PSMD1: variants seen among roughly 807,000 people sequenced by gnomAD.
The protein encoded by PSMD1 is proteasome 26S subunit, non-ATPase 1, also known as 26S proteasome non-ATPase regulatory subunit 1.
PSMD1 carries 18 observed loss-of-function variants against 119.0 expected under a neutral mutation model. The ratio of observed to expected loss-of-function variants is 0.15; its 90% CI spans 0.10 to 0.22. The LOEUF (loss-of-function observed/expected upper bound fraction) is 0.22. PSMD1 is among the 10% of genes least tolerant of loss of function. The pLI, the probability that PSMD1 is intolerant of heterozygous loss-of-function variation, is 1.00. For synonymous variants in PSMD1, 374 were observed against 396.6 expected, an observed-to-expected ratio of 0.94 and a Z score of 0.68; for missense variants, 702 against 1,158.5, an observed-to-expected ratio of 0.61 and a Z score of 5.72.
intron 18 of PSMD1, among the ~76,000 whole-genome samples, chr2:231,147,106 A>G (rs1696268872): frequency 6.6e-6 from 1 of 152,196 alleles, no homozygotes; most frequent in South Asian, 2.1e-4. Context: ...CTCACAACCC[A>G]GCTTGCCCCA....
intron 23 of PSMD1, among the ~76,000 whole-genome samples, chr2:231,168,753 G>A (rs1018912210): frequency 3.9e-5 from 6 of 152,206 alleles, no homozygotes; most frequent in Non-Finnish European, 4.4e-5. Context: ...GTTTGTGAAT[G>A]TACTAAATTG....
chr2:231,157,177 A>G (rs1419752475), intron 19 of PSMD1, among the ~76,000 whole-genome samples: 1 of 152,008 alleles, frequency 6.6e-6, no homozygotes, highest in Non-Finnish European at 1.5e-5. Flanking sequence ...GGTTTTTACT[A>G]TATTTGGGTT....
chr2:231,076,896 TAAAG>T (rs1694181439), intron 8 of PSMD1, 134 bp from the exon 9 acceptor site: 9 of 662,990 alleles, frequency 1.4e-5, no homozygotes, highest in Non-Finnish European at 2.1e-5. Flanking sequence ...TAGCATCTAA[TAAAG>T]AAAGAAATAA....
At chr2:231,163,838 T>C in intron 21 of PSMD1, 111 bp downstream of exon 21, 2 of 768,870 alleles carry the variant, frequency 2.6e-6, no homozygotes, top group Non-Finnish European at 2.0e-6. Context: ...CTTCTTATGC[T>C]AACATTTGAC....
chr2:231,161,288 A>C, intron 19 of PSMD1, 52 bp from the exon 20 acceptor site: 1 of 1,427,426 alleles, frequency 7.0e-7, no homozygotes, highest in Non-Finnish European at 9.5e-7. Flanking sequence ...TTGTCCTACT[A>C]TAATAATAGG....
At chr2:231,134,478 A>G (rs1212955751) in intron 16 of PSMD1, among the ~76,000 whole-genome samples, 1 of 152,234 alleles carries the variant, frequency 6.6e-6, no homozygotes, top group Non-Finnish European at 1.5e-5. Context: ...ATAATCACTC[A>G]ATAAATATGA....
Position 231,056,993 on chromosome 2 carries a change from G to A in PSMD1, c.-33G>A. On this transcript the variant is annotated 5_prime_UTR_variant, in exon 1 of 25. Transcript: ENST00000308696. Reference sequence around the variant, plus strand: ...AGATACACTGCGCAGCTGGAACGGCGAGCGAGCCGACGGGCGAGTGAGGGG... The same window carrying A: ...AGATACACTGCGCAGCTGGAACGGCAAGCGAGCCGACGGGCGAGTGAGGGG... 6.5e-7 allele frequency: 1 copy of A among 1,540,060 alleles called. No individual in the cohort carries two copies. The highest frequency in any genetic ancestry group is 8.7e-7 in the Non-Finnish European group (1 of 1,144,484).
intron 8 of PSMD1, among the ~76,000 whole-genome samples, chr2:231,076,350 A>G (rs942267288): frequency 3.3e-5 from 5 of 152,086 alleles, no homozygotes; most frequent in African/African-American, 1.2e-4. Context: ...CTGGTTGGAA[A>G]GTTGTGTTGG....
At chr2:231,082,562 A>T (rs1433304660) in intron 12 of PSMD1, among the ~76,000 whole-genome samples, 1 of 152,060 alleles carries the variant, frequency 6.6e-6, no homozygotes, top group Non-Finnish European at 1.5e-5. Flanking sequence ...AAAATTAGGC[A>T]GGCGTGGTGG....
Position 231,056,938 on chromosome 2 carries a change from C to A in PSMD1, c.-88C>A. On this transcript the variant is annotated 5_prime_UTR_variant, in exon 1 of 25. Coordinates refer to ENST00000308696, the MANE Select transcript of PSMD1 (RefSeq NM_002807.4). Reference sequence around the variant, plus strand: ...GCAGCGCACCCGGGGAGCAAGGAGGCGCGGTGAACTGAGCGGCCCCTGAGC... The same window carrying A: ...GCAGCGCACCCGGGGAGCAAGGAGGAGCGGTGAACTGAGCGGCCCCTGAGC... 2 of 1,507,094 alleles carry A rather than the reference C, an allele frequency of 1.3e-6. No homozygotes were observed. The highest frequency in any genetic ancestry group is 1.8e-6 in the Non-Finnish European group (2 of 1,119,192). The allele number at this position is 1,507,094 out of a possible 1,614,324, so 93.4% of individuals were successfully genotyped here. A position where few individuals can be genotyped will look rare whatever the true frequency, so the allele number is the denominator to read the frequency against.
At chr2:231,119,828 C>T (rs1363176294) in intron 16 of PSMD1, among the ~76,000 whole-genome samples, 5 of 141,450 alleles carry the variant, frequency 3.5e-5, no homozygotes. Context: ...TGAGATCATG[C>T]CACTGCCCTG....
At chr2:231,084,238 G>C (rs1392107515) in intron 14 of PSMD1, among the ~76,000 whole-genome samples, 2 of 152,074 alleles carry the variant, frequency 1.3e-5, no homozygotes, top group African/African-American at 4.8e-5. Flanking sequence ...TGTAATCCCA[G>C]CTACTTGGGA....
chr2:231,144,984 T>C (rs1321426744), intron 17 of PSMD1, among the ~76,000 whole-genome samples: 1 of 152,214 alleles, frequency 6.6e-6, no homozygotes, highest in Non-Finnish European at 1.5e-5. Context: ...ACCTCTTACC[T>C]CAAGACGAGA....
chr2:231,148,769 A>C (rs181526414), intron 18 of PSMD1, among the ~76,000 whole-genome samples: 3 of 152,360 alleles, frequency 2.0e-5, no homozygotes, highest in African/African-American at 7.2e-5. Context: ...AGTGATAAAG[A>C]ATTTCATAGA....
At position 231,084,399 on chromosome 2, in the gene PSMD1, T is replaced by C. The variant is rs1044850942; in HGVS notation, c.1723-620T>C. On this transcript the variant is annotated intron_variant, in intron 14 of 24. Coordinates refer to ENST00000308696, the MANE Select transcript of PSMD1 (RefSeq NM_002807.4). ...TTGGAATGATTTGATAGTCATTTAATAAGATACAAAGTTTACTTCATTATT... is the reference window on the plus strand; with the variant it reads ...TTGGAATGATTTGATAGTCATTTAACAAGATACAAAGTTTACTTCATTATT... Among the ~76,000 whole-genome samples, 6 of 152,056 alleles carry C rather than the reference T, an allele frequency of 3.9e-5. No homozygotes were observed. The East Asian group carries it at 5.8e-4, about 15-fold the overall frequency.
rs200761257 is a variant in PSMD1, at chr2:231,108,844, T to C, written c.1883+21663T>C. ...GGGTGTAGACCAAAGGATTCACTCC[T>C]GAGGAAACATAGCCTATCCACACAA... On this transcript the variant is annotated intron_variant, in intron 16 of 24. Coordinates refer to ENST00000308696, the MANE Select transcript of PSMD1 (RefSeq NM_002807.4). 2.1e-5 allele frequency: 34 copies of C among 1,614,148 alleles called. No individual in the cohort carries two copies. In the Middle Eastern group the frequency reaches 6.6e-4, roughly 31 times the overall value.
chr2:231,065,457 TAA>T (rs1262552026), intron 4 of PSMD1, among the ~76,000 whole-genome samples: 5 of 114,514 alleles, frequency 4.4e-5, no homozygotes, highest in Non-Finnish European at 6.5e-5. Context: ...CACACCCGGC[TAA>T]TTTTTTTTTT....
intron 19 of PSMD1, among the ~76,000 whole-genome samples, chr2:231,159,357 T>C (rs1696581449): frequency 6.6e-6 from 1 of 152,204 alleles, no homozygotes; most frequent in African/African-American, 2.4e-5. Flanking sequence ...ACAAAATCCA[T>C]AGTCTACTTT....
At chr2:231,057,173 C>G (rs991292016) in intron 1 of PSMD1, 132 bp downstream of exon 1, 1 of 1,138,936 alleles carries the variant, frequency 8.8e-7, no homozygotes, top group South Asian at 1.7e-5. Flanking sequence ...GCCCAGGGCC[C>G]ACCCCCGGGC....
Sources: allele counts gnomAD v4.1 joint callset (sites outside exome capture counted in the v4.1 genomes callset), GRCh38; gene constraint gnomAD v4.1.1; transcripts MANE v1.5; gene names NCBI Gene and HGNC (gene_info 2026-07-23, HGNC 2026-07-21).